The following CCDC42 variants were observed in gnomAD, a reference collection of about 807,000 sequenced individuals.
The protein encoded by CCDC42 is coiled-coil domain-containing protein 42.
CCDC42 carries 38 observed loss-of-function variants against 40.8 expected under a neutral mutation model. The observed-to-expected ratio is 0.93, with a 90% confidence interval of 0.72 to 1.22. CCDC42 has a LOEUF of 1.22. Ranked by LOEUF, CCDC42 falls within the 50% of genes most tolerant of loss-of-function variation. The probability of loss-of-function intolerance (pLI) is 0.00; values close to 1 mark genes in which losing one functional copy is unlikely to be tolerated. For synonymous variants in CCDC42, 135 were observed against 157.5 expected, an observed-to-expected ratio of 0.86 and a Z score of 1.07; for missense variants, 379 against 416.5, an observed-to-expected ratio of 0.91 and a Z score of 0.78.
At chr17:8,730,291 G>A in intron 6 of CCDC42, 84 bp from the exon 7 acceptor site, 1 of 847,562 alleles carries the variant, frequency 1.2e-6, no homozygotes. Context: ...ACATTCACTT[G>A]TAAAGAATTC....
chr17:8,730,282 C>T, intron 6 of CCDC42, 75 bp from the exon 7 acceptor site: 1 of 933,996 alleles, frequency 1.1e-6, no homozygotes, highest in Non-Finnish European at 1.7e-6. Context: ...GCATCCCAGA[C>T]ATTCACTTGT....
intron 6 of CCDC42, among the ~76,000 whole-genome samples, chr17:8,734,686 C>T (rs2086599479): frequency 6.6e-6 from 1 of 152,152 alleles, no homozygotes; most frequent in African/African-American, 2.4e-5. Flanking sequence ...AAGTGTGGGC[C>T]TCAAGCTCAA....
intron 6 of CCDC42, among the ~76,000 whole-genome samples, chr17:8,730,641 T>C (rs1483918999): frequency 6.6e-6 from 1 of 152,188 alleles, no homozygotes; most frequent in Non-Finnish European, 1.5e-5. Flanking sequence ...CACCCAACCA[T>C]GACTGACTTC....
chr17:8,737,013 GAAA>G (rs972314224), intron 4 of CCDC42, among the ~76,000 whole-genome samples: 1 of 94,268 alleles, frequency 1.1e-5, no homozygotes, highest in African/African-American at 3.7e-5. Context: ...GGAAGGAAAA[GAAA>G]AAAAGAAAAG....
chr17:8,743,784 A>T, intron 2 of CCDC42, 54 bp from the exon 3 acceptor site: 1 of 1,013,770 alleles, frequency 9.9e-7, no homozygotes, highest in Non-Finnish European at 1.6e-6. Flanking sequence ...TGACATGAGT[A>T]CCAAGGAAGA....
chr17:8,732,865 A>T (rs1421624035), intron 6 of CCDC42, among the ~76,000 whole-genome samples: 1 of 152,222 alleles, frequency 6.6e-6, no homozygotes, highest in East Asian at 1.9e-4. Flanking sequence ...CTTCCATGAC[A>T]CACTCGAAGG....
Position 8,743,654 on chromosome 17 carries a change from T to C in CCDC42, c.266A>G (p.His89Arg). 6 of 1,610,594 alleles carry C rather than the reference T, an allele frequency of 3.7e-6. No individual in the cohort carries two copies. Among genetic ancestry groups the C allele is most frequent in the Non-Finnish European group, 4.2e-6 (5 of 1,176,850 alleles). The stretch of plus-strand genomic sequence containing the variant: ...GATGAACTGCTCAGACTTCTGGATG[T>C]GAGCCTTCAGTTGGGCTTCCTTAAC... ...LGVKEAQLKA[H>R]IQKSEQFIQE... Residue 89 changes from histidine (H) to arginine (R), a missense_variant, in exon 3 of 7, where the codon CAC becomes CGC. Physicochemically the swap from His to Arg is conservative, Grantham distance 29. Transcript: ENST00000293845.
At chr17:8,743,443 TACAA>T (rs914044550) in intron 3 of CCDC42, among the ~76,000 whole-genome samples, 179 bp downstream of exon 3, 20 of 152,158 alleles carry the variant, frequency 1.3e-4, no homozygotes, top group East Asian at 9.6e-4. Context: ...AATGGAAAAT[TACAA>T]ACAGAGACAG....
chr17:8,732,579 T>C (rs1245066842), intron 6 of CCDC42, among the ~76,000 whole-genome samples: 1 of 152,240 alleles, frequency 6.6e-6, no homozygotes, highest in African/African-American at 2.4e-5. Context: ...TCCTGAGCTA[T>C]GTTCTCATAA....
At position 8,736,648 on chromosome 17, in the gene CCDC42, T is replaced by G. The variant is rs148915879; in HGVS notation, c.493-1037A>C. On this transcript the variant is annotated intron_variant, in intron 4 of 6. Transcript: ENST00000293845. ...TGCCCTGCTGGCCTTTCCCCAAATA[T>G]GCCTCTTTGGGGAAGGGCCACCCAA... is the stretch of plus-strand genomic sequence containing the variant. Among the ~76,000 whole-genome samples the G allele has an allele frequency of 2.1e-3, 315 of 152,176 alleles. 4 individuals carry two copies. The East Asian group carries it at 0.029, about 14-fold the overall frequency.
In CCDC42 at chr17:8,744,785, G is replaced by A. The variant is rs4309437; in HGVS notation, c.-176C>T. 0.58 allele frequency: 357,291 copies of A among 618,440 alleles called. 104,179 individuals carry two copies. The highest frequency in any genetic ancestry group is 0.68 in the Admixed American group (26,751 of 39,374). The allele number at this position is 618,440 out of a possible 1,614,324, so 38.3% of individuals were successfully genotyped here. ...GAAGGTGGCTGGAGACAGGTTGGGC[G>A]GCTCAGGACGATGTGCTGGGGCAGT... On this transcript the variant is annotated 5_prime_UTR_variant, in exon 1 of 7. Transcript: ENST00000293845.
chr17:8,742,212 C>T (rs138995610), intron 3 of CCDC42, among the ~76,000 whole-genome samples: 9 of 152,224 alleles, frequency 5.9e-5, no homozygotes, highest in African/African-American at 2.2e-4. Context: ...GAATTTTCTC[C>T]CAATTCAGTA....
chr17:8,741,656 G>A lies in CCDC42; in HGVS notation c.310C>T (p.Arg104Trp), dbSNP rs146567497. 1.5e-3 allele frequency: 2,365 copies of A among 1,612,796 alleles called. 9 individuals are homozygous for A. Among genetic ancestry groups the A allele is most frequent in the Middle Eastern group, 7.3e-3 (38 of 5,174 alleles). ...TTGGCTTTCTTCATGGCGCGGATCC[G>A]TTTCTGGTCGTTCTCCTGGGGCCCG... is the stretch of plus-strand genomic sequence containing the variant. ...EQFIQENDQK[R>W]IRAMKKANKE... Residue 104 changes from arginine to tryptophan, a missense_variant, in exon 4 of 7, where the codon CGG becomes TGG. Physicochemically the swap from Arg to Trp is moderately radical, Grantham distance 101. Transcript: ENST00000293845.
Position 8,744,756 on chromosome 17 carries a change from C to A in CCDC42, c.-147G>T. ...CCACAGATGATGGAGTTTGAGACTC[C>A]ACAGAAGGTGGCTGGAGACAGGTTG... On this transcript the variant is annotated 5_prime_UTR_variant, in exon 1 of 7. Coordinates refer to ENST00000293845, the MANE Select transcript of CCDC42 (RefSeq NM_144681.3). The A allele has an allele frequency of 1.5e-6, 1 of 648,194 alleles. No individual in the cohort carries two copies. The highest frequency in any genetic ancestry group is 2.7e-5 in the East Asian group (1 of 36,728). 40.2% of individuals were successfully genotyped at this position (648,194 alleles called of 1,614,324 possible).
At chr17:8,730,556 TC>T (rs1364808656) in intron 6 of CCDC42, among the ~76,000 whole-genome samples, 1 of 152,134 alleles carries the variant, frequency 6.6e-6, no homozygotes, top group Non-Finnish European at 1.5e-5. Flanking sequence ...GCCAGGCTGG[TC>T]TTGAACTACT....
chr17:8,730,712 A>T (rs892431996), intron 6 of CCDC42, among the ~76,000 whole-genome samples: 1 of 152,172 alleles, frequency 6.6e-6, no homozygotes, highest in African/African-American at 2.4e-5. Flanking sequence ...TGTTGGGTGT[A>T]GCCGATGAGA....
chr17:8,730,030 C>T lies in CCDC42; in HGVS notation c.*100G>A. ...GCAGGTGTCCCTCAGCAGGAAGGCA[C>T]AGCAGGCATCGGTCCCGAGCTGGAC... On this transcript the variant is annotated 3_prime_UTR_variant, in exon 7 of 7. Transcript: ENST00000293845. 4 of 1,013,698 alleles carry T rather than the reference C, an allele frequency of 3.9e-6. No homozygotes were observed. The highest frequency in any genetic ancestry group is 2.4e-5 in the East Asian group (1 of 40,850). 62.8% of individuals were successfully genotyped at this position (1,013,698 alleles called of 1,614,324 possible).
In CCDC42 at chr17:8,730,137, C is replaced by G; in HGVS notation, c.944G>C (p.Arg315Pro). The G allele has an allele frequency of 6.2e-7, 1 of 1,613,734 alleles. No individual in the cohort carries two copies. Among genetic ancestry groups the G allele is most frequent in the Non-Finnish European group, 8.5e-7 (1 of 1,179,722 alleles). The change falls in exon 7 of 7, where the codon CGG (arginine) becomes CCG (proline). Residue 315 changes from arginine (R) to proline (P), a missense_variant. By Grantham distance (103) the Arg-to-Pro change is moderately radical. Transcript: ENST00000293845. ...TGGAACAAGGCTGCCTCCTTAAATC[C>G]GGACTCGCTGTTGTTCCTTCTTTTT... ...EVKKKEQQRV[R>P]I
intron 4 of CCDC42, among the ~76,000 whole-genome samples, chr17:8,740,361 G>A (rs1249873349): frequency 6.6e-6 from 1 of 151,970 alleles, no homozygotes; most frequent in Non-Finnish European, 1.5e-5. Context: ...GATGGCGGGT[G>A]CCTATAATCC....
Sources: gnomAD v4.1 joint callset for allele counts (sites outside exome capture counted in the v4.1 genomes callset) on GRCh38, gnomAD v4.1.1 for gene constraint, MANE v1.5 for transcripts, NCBI Gene and HGNC (gene_info 2026-07-23, HGNC 2026-07-21) for gene names.